Variants in JMJD1C observed in about 807,000 individuals in gnomAD.
JMJD1C encodes jumonji domain-containing protein 1C.
JMJD1C carries 31 observed loss-of-function variants against 245.3 expected under a neutral mutation model. That is an observed-to-expected ratio of 0.13 (90% CI 0.09 to 0.17). JMJD1C has a LOEUF of 0.17. JMJD1C is among the 10% of genes least tolerant of loss of function. The pLI is 1.00. For synonymous variants in JMJD1C, 1,057 were observed against 1,017.4 expected (o/e 1.04, Z -0.74); for missense variants, 2,691 against 3,000.2 (o/e 0.90, Z 2.41).
intron 1 of JMJD1C, among the ~76,000 whole-genome samples, chr10:63,388,322 G>A (rs1159305248): frequency 4.0e-5 from 6 of 150,168 alleles, no homozygotes; most frequent in Non-Finnish European, 8.9e-5. Context: ...AAGACAATGG[G>A]ATAATAGGTT....
intron 2 of JMJD1C, among the ~76,000 whole-genome samples, chr10:63,275,388 G>A (rs1244778146): frequency 6.6e-6 from 1 of 152,162 alleles, no homozygotes; most frequent in East Asian, 1.9e-4. Flanking sequence ...AAGTACAAAG[G>A]AAAAGAAGTA....
intron 1 of JMJD1C, among the ~76,000 whole-genome samples, chr10:63,493,765 G>C (rs1484615179): frequency 6.6e-6 from 1 of 152,166 alleles, no homozygotes; most frequent in Non-Finnish European, 1.5e-5. Flanking sequence ...CATTTTCACA[G>C]AGCAGATGAG....
intron 23 of JMJD1C, chr10:63,176,735 A>G: frequency 3.0e-6 from 1 of 328,802 alleles, no homozygotes; most frequent in South Asian, 7.5e-5. Flanking sequence ...TGAAGTTTCC[A>G]TCTATCTGGT....
Position 63,209,099 on chromosome 10 carries a change from G to A in JMJD1C, c.2831C>T (p.Pro944Leu), listed in dbSNP as rs1279342375. 1 of 1,613,654 alleles carries A rather than the reference G, an allele frequency of 6.2e-7. No homozygotes were observed. Among genetic ancestry groups the A allele is most frequent in the Non-Finnish European group, 8.5e-7 (1 of 1,179,756 alleles). Reference protein sequence around the residue: ...RPLKITAHSSPPLTKTLVDHH... With the variant: ...RPLKITAHSSLPLTKTLVDHH... ...ATCTACTAAAGTTTTTGTCAATGGTGGACTGGAATGGGCTGTAATTTTAAG... is the reference window on the plus strand; with the variant it reads ...ATCTACTAAAGTTTTTGTCAATGGTAGACTGGAATGGGCTGTAATTTTAAG... Residue 944 changes from proline to leucine, a missense_variant, in exon 9 of 26, where the codon CCA (proline) becomes CTA (leucine). Around this residue, in one of 9 missense-constraint regions of JMJD1C, gnomAD observed 1,562 missense variants for 1,490.7 expected, o/e 1.05. Transcript: ENST00000399262.
At chr10:63,257,081 C>CA (rs1854047047) in intron 3 of JMJD1C, among the ~76,000 whole-genome samples, 1 of 151,634 alleles carries the variant, frequency 6.6e-6, no homozygotes, top group African/African-American at 2.4e-5. Flanking sequence ...ACTAAAAACA[C>CA]AAAAAATTAG....
intron 2 of JMJD1C, among the ~76,000 whole-genome samples, chr10:63,352,804 A>G (rs1944475634): frequency 6.6e-6 from 1 of 152,192 alleles, no homozygotes; most frequent in Non-Finnish European, 1.5e-5. Context: ...GATCAAAAAT[A>G]CAGTGTTCAT....
chr10:63,408,228 C>A (rs181911822), intron 1 of JMJD1C, among the ~76,000 whole-genome samples: 4 of 152,022 alleles, frequency 2.6e-5, no homozygotes, highest in Admixed American at 2.6e-4. Flanking sequence ...ACGGTGAAAC[C>A]CCCTCTCTAC....
chr10:63,431,608 G>A (rs1589736435), intron 1 of JMJD1C, among the ~76,000 whole-genome samples: 1 of 152,206 alleles, frequency 6.6e-6, no homozygotes, highest in East Asian at 1.9e-4. Flanking sequence ...TAAATAAGAT[G>A]TAATATTTGA....
chr10:63,337,270 C>T (rs1942834193), intron 2 of JMJD1C, among the ~76,000 whole-genome samples: 3 of 150,838 alleles, frequency 2.0e-5, no homozygotes, highest in Admixed American at 6.7e-5. Flanking sequence ...GGTGAAACCC[C>T]ATGTCTACTG....
At chr10:63,325,051 A>G (rs1351640988) in intron 2 of JMJD1C, among the ~76,000 whole-genome samples, 3 of 152,200 alleles carry the variant, frequency 2.0e-5, no homozygotes, top group African/African-American at 4.8e-5. Context: ...ACAAACTCAG[A>G]TATCTGATTT....
At chr10:63,373,532 A>G (rs1946479959) in intron 2 of JMJD1C, among the ~76,000 whole-genome samples, 1 of 152,228 alleles carries the variant, frequency 6.6e-6, no homozygotes, top group Non-Finnish European at 1.5e-5. Context: ...AAGATAACGT[A>G]ACTGATATGT....
At chr10:63,286,786 G>A (rs1858033302) in intron 2 of JMJD1C, among the ~76,000 whole-genome samples, 1 of 152,186 alleles carries the variant, frequency 6.6e-6, no homozygotes, top group Admixed American at 6.5e-5. Flanking sequence ...TCAGCACCCT[G>A]GGAAAGTGGT....
chr10:63,460,754 T>C (rs1952736432), intron 1 of JMJD1C, among the ~76,000 whole-genome samples: 1 of 152,134 alleles, frequency 6.6e-6, no homozygotes, highest in South Asian at 2.1e-4. Flanking sequence ...TACAGGAAAA[T>C]AGCCTGTATG....
intron 1 of JMJD1C, chr10:63,465,197 G>A (rs898509490): frequency 4.0e-5 from 15 of 370,858 alleles, no homozygotes; most frequent in Non-Finnish European, 6.8e-5. Flanking sequence ...GGAGGTCTCC[G>A]TGGCCGCCCA....
chr10:63,480,730 T>G (rs1274603503), intron 1 of JMJD1C, among the ~76,000 whole-genome samples: 18 of 152,014 alleles, frequency 1.2e-4, no homozygotes, highest in Non-Finnish European at 2.9e-5. Flanking sequence ...AAACTTATTT[T>G]TGCTACATTG....
intron 1 of JMJD1C, among the ~76,000 whole-genome samples, chr10:63,507,517 T>C (rs1166159274): frequency 6.6e-6 from 1 of 151,698 alleles, no homozygotes; most frequent in East Asian, 1.9e-4. Flanking sequence ...TGGTGGCAGA[T>C]GCCTGGAATC....
At chr10:63,357,371 T>C (rs1944933803) in intron 2 of JMJD1C, among the ~76,000 whole-genome samples, 2 of 152,230 alleles carry the variant, frequency 1.3e-5, no homozygotes, top group East Asian at 1.9e-4. Context: ...AATGGCACAA[T>C]ACTGGCTCAC....
chr10:63,351,582 C>A (rs1165530296), intron 2 of JMJD1C, among the ~76,000 whole-genome samples: 1 of 152,090 alleles, frequency 6.6e-6, no homozygotes, highest in Non-Finnish European at 1.5e-5. Flanking sequence ...AGAGCATTTG[C>A]TGAATGGGGA....
chr10:63,193,060 T>C lies in JMJD1C; in HGVS notation c.5954A>G (p.Asn1985Ser). 6.2e-7 allele frequency: 1 copy of C among 1,613,784 alleles called. No individual in the cohort carries two copies. The highest frequency in any genetic ancestry group is 8.5e-7 in the Non-Finnish European group (1 of 1,179,740). ...QQNTPPKSEKNGGSSPESDVG... is the reference protein window; with the variant it reads ...QQNTPPKSEKSGGSSPESDVG... ...ATCACTCTCTGGGCTGCTGCCACCA[T>C]TTTTCTCAGACTTCGGAGGAGTATT... The change falls in exon 16 of 26, where the codon AAT (asparagine) becomes AGT (serine). Residue 1985 changes from asparagine to serine, a missense_variant. Transcript: ENST00000399262.
Sources: gnomAD v4.1 joint callset for allele counts (sites outside exome capture counted in the v4.1 genomes callset) on GRCh38, gnomAD v4.1.1 for gene constraint, gnomAD v4.1.1 regional missense constraint, MANE v1.5 for transcripts, NCBI Gene and HGNC (gene_info 2026-07-23, HGNC 2026-07-21) for gene names.